SEMA3A: variants seen among roughly 807,000 people sequenced by gnomAD.
SEMA3A encodes semaphorin 3A, also known as semaphorin-3A.
A neutral mutation model predicts 97.9 loss-of-function variants in SEMA3A; 29 were observed. The ratio of observed to expected loss-of-function variants is 0.30; its 90% CI spans 0.22 to 0.40. SEMA3A has a LOEUF of 0.40. Ranked by LOEUF, SEMA3A falls within the 10% of genes least tolerant of loss-of-function variation. SEMA3A has a pLI of 1.00. For missense variants in SEMA3A, 763 were observed against 951.3 expected (o/e 0.80, Z 2.60); for synonymous variants, 321 against 323.7 (o/e 0.99, Z 0.09).
At chr7:83,979,148 T>A (rs2116311793) in intron 14 of SEMA3A, among the ~76,000 whole-genome samples, 1 of 152,056 alleles carries the variant, frequency 6.6e-6, no homozygotes, top group Non-Finnish European at 1.5e-5. Context: ...TTTTTTTTTT[T>A]TTCGAGACAG....
At chr7:84,160,920 G>T (rs1760601269) in intron 1 of SEMA3A, among the ~76,000 whole-genome samples, 1 of 151,760 alleles carries the variant, frequency 6.6e-6, no homozygotes, top group Admixed American at 6.6e-5. Flanking sequence ...AATTCCATAG[G>T]ATAGGTAGTA....
chr7:84,376,465 G>T (rs1003486841), intron 1 of SEMA3A, among the ~76,000 whole-genome samples: 1 of 142,384 alleles, frequency 7.0e-6, no homozygotes, highest in Non-Finnish European at 1.5e-5. Context: ...TTAGCCGGGC[G>T]TGGTGGCGGG....
chr7:84,206,212 C>T (rs935282258), intron 3 of SEMA3A, among the ~76,000 whole-genome samples: 1 of 151,966 alleles, frequency 6.6e-6, no homozygotes, highest in African/African-American at 2.4e-5. Flanking sequence ...ATGTTAATAC[C>T]TCCATAATAA....
intron 13 of SEMA3A, among the ~76,000 whole-genome samples, chr7:83,984,608 CTTTTTTTTTTT>C (rs371082897): frequency 1.8e-4 from 18 of 98,884 alleles, no homozygotes; most frequent in Middle Eastern, 7.8e-3. Flanking sequence ...GATTTTTCTG[CTTTTTTTTTTT>C]TTTTTTTTTT....
At chr7:84,066,908 T>G (rs1444806043) in intron 4 of SEMA3A, among the ~76,000 whole-genome samples, 1 of 152,108 alleles carries the variant, frequency 6.6e-6, no homozygotes, top group Non-Finnish European at 1.5e-5. Flanking sequence ...CTTCACAGAA[T>G]TGGAAAAAAC....
intron 2 of SEMA3A, among the ~76,000 whole-genome samples, chr7:84,359,210 T>C (rs1327352026): frequency 6.6e-6 from 1 of 152,208 alleles, no homozygotes; most frequent in African/African-American, 2.4e-5. Context: ...CATCCCTGTC[T>C]TGTGCCAGTT....
rs1198299640 is a variant in SEMA3A, at chr7:84,376,561, G to A, written c.-245-4661C>T. Among the ~76,000 whole-genome samples the A allele has an allele frequency of 8.9e-5, 8 of 90,122 alleles. 2 individuals are homozygous for A. Among genetic ancestry groups the A allele is most frequent in the Admixed American group, 1.8e-4 (1 of 5,582 alleles). 59.1% of individuals were successfully genotyped at this position (90,122 alleles called of 152,430 possible). ...GGAGCTTGCAGTGAGCCGAGATCGC[G>A]CCACTGCACTCCAGCCTGGGCGACA... On this transcript the variant is annotated intron_variant, in intron 1 of 3. Transcript: ENST00000424555.
At chr7:84,105,101 A>G (rs560319512) in intron 4 of SEMA3A, among the ~76,000 whole-genome samples, 15 of 152,266 alleles carry the variant, frequency 9.9e-5, no homozygotes, top group South Asian at 2.1e-4. Context: ...AAATAAATAC[A>G]GACTCCAATG....
At chr7:84,122,988 G>A (rs797014617) in intron 3 of SEMA3A, among the ~76,000 whole-genome samples, 9 of 152,150 alleles carry the variant, frequency 5.9e-5, no homozygotes, top group African/African-American at 2.2e-4. Flanking sequence ...CTGCTTTTTT[G>A]TTCCTCTCAG....
chr7:84,376,594 A>C, intron 1 of SEMA3A, among the ~76,000 whole-genome samples: 1 of 82,260 alleles, frequency 1.2e-5, no homozygotes, highest in Non-Finnish European at 2.2e-5. Flanking sequence ...ACAGAGCGAG[A>C]CTCCGTCTCA....
At chr7:84,162,663 T>C (rs574044264) in intron 1 of SEMA3A, among the ~76,000 whole-genome samples, 3 of 152,260 alleles carry the variant, frequency 2.0e-5, no homozygotes, top group South Asian at 2.1e-4. Flanking sequence ...CCCTTTATTG[T>C]ACAATGTTGA....
At chr7:84,232,516 G>A (rs73384814) in intron 3 of SEMA3A, among the ~76,000 whole-genome samples, 1,530 of 151,220 alleles carry the variant, frequency 0.01, 35 homozygotes, top group African/African-American at 0.035. Context: ...TAACAAGCTT[G>A]TACCCAACAA....
At chr7:84,351,186 TCAATGCCAA>T in intron 2 of SEMA3A, among the ~76,000 whole-genome samples, 1 of 151,898 alleles carries the variant, frequency 6.6e-6, no homozygotes, top group Non-Finnish European at 1.5e-5. Flanking sequence ...TTATATAAAG[TCAATGCCAA>T]CATTTCTAAT....
At chr7:84,319,843 T>G (rs1801603370) in intron 2 of SEMA3A, among the ~76,000 whole-genome samples, 1 of 152,192 alleles carries the variant, frequency 6.6e-6, no homozygotes, top group Admixed American at 6.5e-5. Context: ...AATCACAAAT[T>G]TGTGTTTTTC....
intron 1 of SEMA3A, among the ~76,000 whole-genome samples, chr7:84,150,300 G>A (rs1584040913): frequency 6.6e-6 from 1 of 152,196 alleles, no homozygotes; most frequent in Non-Finnish European, 1.5e-5. Flanking sequence ...GCAGAAGACG[G>A]GTGATTTCTG....
chr7:84,032,243 A>T (rs1461647630), intron 6 of SEMA3A, among the ~76,000 whole-genome samples: 1 of 152,136 alleles, frequency 6.6e-6, no homozygotes, highest in Non-Finnish European at 1.5e-5. Context: ...ATGTGGCCTG[A>T]TTCTTAAAAT....
chr7:84,296,817 T>C (rs948936508), intron 3 of SEMA3A, among the ~76,000 whole-genome samples: 1 of 152,078 alleles, frequency 6.6e-6, no homozygotes, highest in African/African-American at 2.4e-5. Flanking sequence ...CATTATTATT[T>C]TATAAAAAAA....
At chr7:83,989,844 G>T (rs1789822248) in intron 12 of SEMA3A, among the ~76,000 whole-genome samples, 1 of 150,264 alleles carries the variant, frequency 6.7e-6, no homozygotes, top group South Asian at 2.1e-4. Context: ...GTAATGGGAT[G>T]GCTGGGTCAA....
intron 3 of SEMA3A, 123 bp from the exon 4 acceptor site, chr7:84,110,712 C>T: frequency 1.9e-6 from 2 of 1,044,692 alleles, no homozygotes; most frequent in Non-Finnish European, 2.7e-6. Context: ...TTTTTGGCAT[C>T]CCTTTCACAA....
Sources: gnomAD v4.1 joint callset for allele counts (sites outside exome capture counted in the v4.1 genomes callset) on GRCh38, gnomAD v4.1.1 for gene constraint, MANE v1.5 for transcripts, NCBI Gene and HGNC (gene_info 2026-07-23, HGNC 2026-07-21) for gene names.